PKD1L3: variants seen among roughly 807,000 people sequenced by gnomAD.
The protein encoded by PKD1L3 is polycystin-1-like protein 3.
A neutral mutation model predicts 184.1 loss-of-function variants in PKD1L3; 239 were observed. The ratio of observed to expected loss-of-function variants is 1.30; its 90% CI spans 1.17 to 1.45. The LOEUF is 1.45. Ranked by LOEUF, PKD1L3 falls within the 40% of genes most tolerant of loss-of-function variation. The pLI, the probability that PKD1L3 is intolerant of heterozygous loss-of-function variation, is 0.00. For synonymous variants in PKD1L3, 996 were observed against 778.8 expected, an observed-to-expected ratio of 1.28 and a Z score of -4.64; for missense variants, 2,660 against 2,067.2, an observed-to-expected ratio of 1.29 and a Z score of -5.56.
At chr16:71,995,619 T>C (rs1206770660) in intron 2 of PKD1L3, among the ~76,000 whole-genome samples, 4 of 152,236 alleles carry the variant, frequency 2.6e-5, no homozygotes, top group African/African-American at 9.6e-5. Flanking sequence ...TGTTATTTGC[T>C]TTTTACAACC....
intron 16 of PKD1L3, among the ~76,000 whole-genome samples, chr16:71,961,417 C>A (rs1461587031): frequency 6.6e-6 from 1 of 152,128 alleles, no homozygotes; most frequent in African/African-American, 2.4e-5. Context: ...GACACCGTAC[C>A]TTGGCCCTTC....
At chr16:71,997,818 GTACATACA>G (rs576439050) in intron 2 of PKD1L3, among the ~76,000 whole-genome samples, 436 of 151,804 alleles carry the variant, frequency 2.9e-3, no homozygotes, top group Non-Finnish European at 4.9e-3. Flanking sequence ...AAATGCATAC[GTACATACA>G]TACATAGCTT....
intron 24 of PKD1L3, 127 bp from the exon 25 acceptor site, chr16:71,937,546 C>T (rs995515916): frequency 3.9e-6 from 4 of 1,023,048 alleles, no homozygotes; most frequent in Middle Eastern, 2.6e-4. Context: ...CAGTGCTCCA[C>T]TTAGTATTTC....
intron 4 of PKD1L3, 134 bp from the exon 5 acceptor site, chr16:71,986,603 T>A: frequency 9.5e-7 from 1 of 1,047,286 alleles, no homozygotes. Context: ...AAAAAAATTC[T>A]GTGCTCAAAC....
intron 11 of PKD1L3, 56 bp downstream of exon 11, chr16:71,977,180 T>A: frequency 7.5e-7 from 1 of 1,340,080 alleles, no homozygotes; most frequent in South Asian, 1.3e-5. Flanking sequence ...GCCACTGCAC[T>A]ACATCCTAGG....
At chr16:71,984,421 A>G (rs992519895) in intron 5 of PKD1L3, among the ~76,000 whole-genome samples, 2 of 152,252 alleles carry the variant, frequency 1.3e-5, no homozygotes, top group African/African-American at 4.8e-5. Context: ...GAGTCTGGAA[A>G]TAAGATTTAT....
In PKD1L3 at chr16:71,973,506, T is replaced by A; in HGVS notation, c.1771A>T (p.Thr591Ser). Residue 591 changes from threonine (T) to serine (S), a missense_variant, in exon 12 of 30, where the codon ACG becomes TCG. Thr to Ser is a moderately conservative substitution (Grantham distance 58). Coordinates refer to ENST00000620267, the MANE Select transcript of PKD1L3 (RefSeq NM_181536.2). ...DKVWQKDEEY[T>S]WVLNPEHLQH... is the part of the protein sequence containing the mutation. ...AGATGCTCTGGATTCAGCACCCACG[T>A]GTACTCCTCATCTTAGAACAAAGAA... The A allele has an allele frequency of 6.4e-7, 1 of 1,551,704 alleles. No homozygotes were observed. The highest frequency in any genetic ancestry group is 8.7e-7 in the Non-Finnish European group (1 of 1,146,998).
intron 25 of PKD1L3, 103 bp from the exon 26 acceptor site, chr16:71,935,621 A>T (rs2038148848): frequency 1.9e-6 from 2 of 1,080,000 alleles, no homozygotes; most frequent in East Asian, 2.6e-5. Flanking sequence ...GGCAAAGCAC[A>T]CTGCCAGGCA....
At chr16:71,971,261 T>C (rs1401830507) in intron 12 of PKD1L3, among the ~76,000 whole-genome samples, 1 of 152,260 alleles carries the variant, frequency 6.6e-6, no homozygotes, top group South Asian at 2.1e-4. Flanking sequence ...TAAAGCTGAA[T>C]GTGCATTCAA....
intron 24 of PKD1L3, among the ~76,000 whole-genome samples, chr16:71,938,442 A>G (rs2038253812): frequency 6.6e-6 from 1 of 152,060 alleles, no homozygotes; most frequent in South Asian, 2.1e-4. Context: ...CAGGAGGCAG[A>G]CAGGCTCCTG....
intron 22 of PKD1L3, among the ~76,000 whole-genome samples, chr16:71,944,998 T>A (rs2038511260): frequency 6.6e-6 from 1 of 151,168 alleles, no homozygotes; most frequent in Admixed American, 6.6e-5. Flanking sequence ...AAGAAAAAAA[T>A]AAAGCAGAAG....
chr16:71,985,989 T>C (rs2040345488), intron 5 of PKD1L3, among the ~76,000 whole-genome samples: 1 of 152,216 alleles, frequency 6.6e-6, no homozygotes. Flanking sequence ...TTCTTCCCCA[T>C]CTGAAGCATT....
chr16:71,932,379 GAAAT>G (rs771582033), intron 28 of PKD1L3, among the ~76,000 whole-genome samples: 19 of 152,214 alleles, frequency 1.2e-4, no homozygotes, highest in Non-Finnish European at 2.4e-4. Flanking sequence ...TTCCTGGGAG[GAAAT>G]AATAGGCTCT....
intron 7 of PKD1L3, among the ~76,000 whole-genome samples, chr16:71,981,858 T>A (rs1454263660): frequency 6.6e-6 from 1 of 152,042 alleles, no homozygotes; most frequent in East Asian, 1.9e-4. Flanking sequence ...CCTTTTCACT[T>A]GATTACAGCA....
At chr16:71,979,672 C>T (rs542257726) in intron 9 of PKD1L3, 114 bp downstream of exon 9, 15 of 1,246,826 alleles carry the variant, frequency 1.2e-5, no homozygotes, top group Non-Finnish European at 1.6e-5. Flanking sequence ...CATAAACTCT[C>T]TCATCTGATC....
intron 2 of PKD1L3, among the ~76,000 whole-genome samples, chr16:71,998,057 A>G (rs1450098400): frequency 6.6e-6 from 1 of 152,200 alleles, no homozygotes; most frequent in Non-Finnish European, 1.5e-5. Flanking sequence ...GAGGACATCA[A>G]GGCACAACTC....
At chr16:71,938,830 A>G (rs1567491378) in intron 24 of PKD1L3, among the ~76,000 whole-genome samples, 1 of 151,302 alleles carries the variant, frequency 6.6e-6, no homozygotes, top group Non-Finnish European at 1.5e-5. Context: ...GCTCCTCTCC[A>G]CCTCTCTCAC....
At chr16:71,960,436 A>G (rs1286944821) in intron 16 of PKD1L3, among the ~76,000 whole-genome samples, 1 of 152,172 alleles carries the variant, frequency 6.6e-6, no homozygotes, top group Non-Finnish European at 1.5e-5. Flanking sequence ...TAAAAAGATA[A>G]GAACAAACAA....
rs1023177609 is a variant in PKD1L3, at chr16:71,998,353, T to C, written c.337A>G (p.Thr113Ala). Reference sequence around the variant, plus strand: ...CGAATGAAGTTTCTGGACAGGTAGGTGCAGCTGAGGGGCTTTGGGGGCCCG... The same window carrying C: ...CGAATGAAGTTTCTGGACAGGTAGGCGCAGCTGAGGGGCTTTGGGGGCCCG... ...ANGPPKPLSC[T>A]YLSRNFIRIS... The change falls in exon 2 of 30, where the codon ACC becomes GCC. Residue 113 changes from threonine (T) to alanine (A), a missense_variant. Coordinates refer to ENST00000620267, the MANE Select transcript of PKD1L3 (RefSeq NM_181536.2). 1 of 1,551,766 alleles carries C rather than the reference T, an allele frequency of 6.4e-7. No homozygotes were observed. The highest frequency in any genetic ancestry group is 1.4e-5 in the African/African-American group (1 of 73,050).
Sources: allele counts gnomAD v4.1 joint callset (sites outside exome capture counted in the v4.1 genomes callset), GRCh38; gene constraint gnomAD v4.1.1; transcripts MANE v1.5; gene names NCBI Gene and HGNC (gene_info 2026-07-23, HGNC 2026-07-21).